EIF2AK4: variants seen among roughly 807,000 people sequenced by gnomAD.
EIF2AK4 encodes the protein eIF-2-alpha kinase GCN2.
Under a neutral mutation model 211.1 loss-of-function variants are expected in EIF2AK4, and 139 were observed. The ratio of observed to expected loss-of-function variants is 0.66; its 90% confidence interval spans 0.57 to 0.76. EIF2AK4 has a LOEUF of 0.76. Among genes scored for constraint, EIF2AK4 ranks in the 30% least tolerant of loss-of-function variants. The pLI, the probability that EIF2AK4 is intolerant of heterozygous loss-of-function variation, is 0.00. For synonymous variants in EIF2AK4, 710 were observed against 751.3 expected, an observed-to-expected ratio of 0.94 and a Z score of 0.90; for missense variants, 1,664 against 2,043.8, an observed-to-expected ratio of 0.81 and a Z score of 3.58.
Position 39,967,745 on chromosome 15 carries a change from T to C in EIF2AK4, c.1419T>C (p.Tyr473=), listed in dbSNP as rs1195707481. 2 of 1,614,088 alleles carry C rather than the reference T, an allele frequency of 1.2e-6. No individual in the cohort carries two copies. The highest frequency in any genetic ancestry group is 1.7e-6 in the Non-Finnish European group (2 of 1,180,046). The change falls in exon 9 of 39, where the codon TAT becomes TAC. Residue 473 remains tyrosine (Y), a synonymous_variant. Transcript: ENST00000263791. Reference sequence around the variant, plus strand: ...GTTTTAGTGACAATGCTCTGCCTTATAAAACGGGGAAGAAAGGAGATGTTT... The same window carrying C: ...GTTTTAGTGACAATGCTCTGCCTTACAAAACGGGGAAGAAAGGAGATGTTT... ...RVRFSDNALP[Y]KTGKKGDVWR...
chr15:40,000,666 CT>C (rs2035077563), intron 20 of EIF2AK4, among the ~76,000 whole-genome samples: 1 of 152,096 alleles, frequency 6.6e-6, no homozygotes, highest in Non-Finnish European at 1.5e-5. Flanking sequence ...CTTTTTACAT[CT>C]TTTTATACGA....
chr15:39,990,412 C>T lies in EIF2AK4; in HGVS notation c.2631+35C>T, dbSNP rs780056275. ...TTAAAAATTAGACTGTACCTAAAAA[C>T]AGACTCAGATGTCTTGATAATCCTG... On this transcript the variant is annotated intron_variant, in intron 16 of 38. Coordinates refer to ENST00000263791, the MANE Select transcript of EIF2AK4 (RefSeq NM_001013703.4). The T allele has an allele frequency of 4.5e-6, 7 of 1,560,024 alleles. No homozygotes were observed. The South Asian group carries it at 7.8e-5, about 17-fold the overall frequency.
At chr15:39,980,896 A>G (rs2034773384) in intron 13 of EIF2AK4, among the ~76,000 whole-genome samples, 1 of 152,170 alleles carries the variant, frequency 6.6e-6, no homozygotes, top group South Asian at 2.1e-4. Flanking sequence ...AATTACCAGC[A>G]GTTACAAGGG....
rs183490982 is a variant in EIF2AK4, at chr15:39,988,264, A to G, written c.2526+159A>G. ...TTGTAGGAAATAGAACAAAGTGTCA[A>G]AGACAATAAAGTATTACAAAGTATC... On this transcript the variant is annotated intron_variant, in intron 15 of 38. Coordinates refer to ENST00000263791, the MANE Select transcript of EIF2AK4 (RefSeq NM_001013703.4). 1.1e-3 allele frequency among the ~76,000 whole-genome samples: 169 copies of G among 152,380 alleles called. 1 individual carries two copies. The highest frequency in any genetic ancestry group is 2.0e-3 in the Non-Finnish European group (138 of 68,040).
chr15:40,019,422 G>A (rs1417639639), intron 30 of EIF2AK4, among the ~76,000 whole-genome samples: 1 of 152,118 alleles, frequency 6.6e-6, no homozygotes, highest in Non-Finnish European at 1.5e-5. Flanking sequence ...CTTAGACCAG[G>A]GGTCCCTAAC....
At chr15:40,033,204 CCA>C (rs1304356910) in intron 37 of EIF2AK4, among the ~76,000 whole-genome samples, 1 of 152,056 alleles carries the variant, frequency 6.6e-6, no homozygotes, top group Non-Finnish European at 1.5e-5. Flanking sequence ...AATATCTTAC[CCA>C]CAGTCACCCA....
Position 40,002,826 on chromosome 15 carries a change from T to A in EIF2AK4, c.3235+38T>A, listed in dbSNP as rs779957763. On this transcript the variant is annotated intron_variant, in intron 22 of 38. Coordinates refer to ENST00000263791, the MANE Select transcript of EIF2AK4 (RefSeq NM_001013703.4). ...TTTTTAAAAATGATATTTCTTCTCA[T>A]AAGACTTTTTTCATCATTAGAAAGT... 2.5e-6 allele frequency: 4 copies of A among 1,607,282 alleles called. No individual in the cohort carries two copies. In the Admixed American group the frequency reaches 6.7e-5, roughly 27 times the overall value.
rs1350164390 is a variant in EIF2AK4 at position 40,020,889 on chromosome 15, T to C, written c.4174-10T>C. The C allele has an allele frequency of 6.2e-7, 1 of 1,606,024 alleles. No homozygotes were observed. ...CTCCTCTAACTGTAACCGGTCTGTT[T>C]CTGATCCAGGTTACAATAAGCTCTT... On this transcript the variant is annotated splice_polypyrimidine_tract_variant and intron_variant, in intron 30 of 38. Transcript: ENST00000263791.
intron 38 of EIF2AK4, 139 bp downstream of exon 38, chr15:40,034,583 A>T: frequency 1.5e-6 from 1 of 681,858 alleles, no homozygotes; most frequent in East Asian, 2.7e-5. Context: ...ACAACCAATA[A>T]ATCTTGCTTG....
chr15:39,941,463 GA>G (rs554487056), intron 2 of EIF2AK4, among the ~76,000 whole-genome samples: 268 of 152,184 alleles, frequency 1.8e-3, no homozygotes, highest in African/African-American at 6.2e-3. Context: ...TCTGTGCCAG[GA>G]ACAGGGGTCA....
intron 33 of EIF2AK4, 186 bp from the exon 34 acceptor site, chr15:40,029,220 T>G: frequency 1.4e-6 from 1 of 728,626 alleles, no homozygotes; most frequent in Non-Finnish European, 1.7e-6. Flanking sequence ...TTTATAATTT[T>G]TACTTGCTCT....
intron 32 of EIF2AK4, among the ~76,000 whole-genome samples, chr15:40,024,103 G>T (rs560789000): frequency 6.6e-6 from 1 of 152,130 alleles, no homozygotes; most frequent in African/African-American, 2.4e-5. Context: ...TCTTCTTGAT[G>T]AATTGTCTTC....
At chr15:39,986,561 TAAAAC>T (rs2034867905) in intron 14 of EIF2AK4, among the ~76,000 whole-genome samples, 1 of 152,162 alleles carries the variant, frequency 6.6e-6, no homozygotes, top group Non-Finnish European at 1.5e-5. Context: ...GGAGTGGCCA[TAAAAC>T]AAGTTGGCCG....
Position 40,017,098 on chromosome 15 carries a change from C to A in EIF2AK4, c.3931-10C>A. 6.2e-7 allele frequency: 1 copy of A among 1,604,362 alleles called. No individual in the cohort carries two copies. The highest frequency in any genetic ancestry group is 8.5e-7 in the Non-Finnish European group (1 of 1,171,906). The stretch of plus-strand genomic sequence containing the variant: ...CCCTTGACACATTTGTGTGGCATCT[C>A]TCTTTATAGGTCTTGATCAATTTGG... On this transcript the variant is annotated splice_polypyrimidine_tract_variant and intron_variant, in intron 28 of 38. Coordinates refer to ENST00000263791, the MANE Select transcript of EIF2AK4 (RefSeq NM_001013703.4).
intron 29 of EIF2AK4, among the ~76,000 whole-genome samples, chr15:40,017,985 A>C (rs2035333091): frequency 6.6e-6 from 1 of 152,214 alleles, no homozygotes; most frequent in African/African-American, 2.4e-5. Context: ...CCATCACCAC[A>C]GAGATTTATG....
At chr15:39,962,171 A>G in intron 7 of EIF2AK4, among the ~76,000 whole-genome samples, 1 of 152,316 alleles carries the variant, frequency 6.6e-6, no homozygotes, top group East Asian at 1.9e-4. Flanking sequence ...AGGTGGAAGG[A>G]TTGCTTGAGT....
Position 39,961,906 on chromosome 15 carries a change from A to G in EIF2AK4, c.859+7A>G, listed in dbSNP as rs201702845. 1.7e-4 allele frequency: 270 copies of G among 1,596,814 alleles called. 1 individual carries two copies. In the African/African-American group the frequency reaches 3.0e-3, roughly 17 times the overall value. On this transcript the variant is annotated splice_region_variant and intron_variant, in intron 7 of 38. Coordinates refer to ENST00000263791, the MANE Select transcript of EIF2AK4 (RefSeq NM_001013703.4). ...CACAAAGGGAAATGTATTGGTGAGT[A>G]AACTAGCAAAATCTATTCATATTAT...
intron 1 of EIF2AK4, among the ~76,000 whole-genome samples, chr15:39,938,255 G>T (rs2034095851): frequency 6.6e-6 from 1 of 152,204 alleles, no homozygotes. Flanking sequence ...TATGGGTGAT[G>T]GATGTGTGAT....
chr15:40,002,476 C>G (rs1323757571), intron 21 of EIF2AK4: 1 of 450,350 alleles, frequency 2.2e-6, no homozygotes, highest in Non-Finnish European at 4.0e-6. Flanking sequence ...AGAATTTGGA[C>G]TTTGAACCCA....
Sources: allele counts gnomAD v4.1 joint callset (sites outside exome capture counted in the v4.1 genomes callset), GRCh38; gene constraint gnomAD v4.1.1; transcripts MANE v1.5; gene names NCBI Gene and HGNC (gene_info 2026-07-23, HGNC 2026-07-21).